Variants in RNF212 observed in about 807,000 individuals in gnomAD.
RNF212 encodes the protein ring finger protein 212, also known as probable E3 SUMO-protein ligase RNF212.
A neutral mutation model predicts 34.7 loss-of-function variants in RNF212; 33 were observed. The ratio of observed to expected loss-of-function variants is 0.95; its 90% CI spans 0.72 to 1.27. The LOEUF (loss-of-function observed/expected upper bound fraction) is 1.27. RNF212 is among the 50% of genes most tolerant of loss of function. The pLI is 0.00. For synonymous variants in RNF212, 140 were observed against 136.1 expected, an observed-to-expected ratio of 1.03 and a Z score of -0.20; for missense variants, 377 against 362.2, an observed-to-expected ratio of 1.04 and a Z score of -0.33.
rs774362214 is a variant in RNF212, at chr4:1,079,733, C to A, written c.465-45G>T. 9 of 1,319,476 alleles carry A rather than the reference C, an allele frequency of 6.8e-6. No individual in the cohort carries two copies. The South Asian group carries it at 7.1e-5, about 10-fold the overall frequency. The allele number at this position is 1,319,476 out of a possible 1,614,324, so 81.7% of individuals were successfully genotyped here. ...AGGCTTTGAGTGAGCCCAGGACTTACCTCTAACAACGTCAGTTGAAATACA... is the reference window on the plus strand; with the variant it reads ...AGGCTTTGAGTGAGCCCAGGACTTAACTCTAACAACGTCAGTTGAAATACA... On this transcript the variant is annotated intron_variant, in intron 7 of 9. Coordinates refer to ENST00000433731, the MANE Select transcript of RNF212 (RefSeq NM_001131034.4).
At chr4:1,071,019 AATT>A (rs1718443893), downstream of RNF212, among the ~76,000 whole-genome samples, 1 of 151,892 alleles carries the variant, frequency 6.6e-6, no homozygotes, top group Non-Finnish European at 1.5e-5. Flanking sequence ...TTTCAAAATA[AATT>A]ATTTTAAAAA....
At chr4:1,081,735 G>C (rs1720386594) in intron 5 of RNF212, 116 bp from the exon 6 acceptor site, 2 of 740,504 alleles carry the variant, frequency 2.7e-6, no homozygotes, top group Admixed American at 2.3e-5. Flanking sequence ...TACTGGGTTT[G>C]CAAACGGCAT....
chr4:1,061,591 T>C (rs1056889124), intron 3 of RNF212, among the ~76,000 whole-genome samples: 3 of 152,098 alleles, frequency 2.0e-5, no homozygotes, highest in East Asian at 1.9e-4. Flanking sequence ...GCACAGATCA[T>C]TGGCCATGGG....
rs1718668629 is a variant in RNF212 at position 1,072,936 on chromosome 4, T to G, written c.832A>C (p.Arg278=). ...QQAEGTLDTF[R]TPAVSVVFPL... is the part of the protein sequence containing the mutation. The stretch of plus-strand genomic sequence containing the variant: ...AACACAACAGACACAGCGGGTGTTC[T>G]GAACGTGTCCAGGGTGCCCTCAGCC... The change falls in exon 10 of 10, where the codon AGA becomes CGA. Residue 278 remains arginine, a synonymous_variant. Coordinates refer to ENST00000433731, the MANE Select transcript of RNF212 (RefSeq NM_001131034.4). 6.2e-7 allele frequency: 1 copy of G among 1,614,036 alleles called. No individual in the cohort carries two copies. The highest frequency in any genetic ancestry group is 8.5e-7 in the Non-Finnish European group (1 of 1,179,892).
intron 3 of RNF212, among the ~76,000 whole-genome samples, chr4:1,059,550 G>C (rs1476709554): frequency 6.6e-6 from 1 of 152,090 alleles, no homozygotes. Flanking sequence ...TGGGCGGCCT[G>C]TTCCACTCAC....
At chr4:1,089,168 C>A (rs1271413939) in intron 4 of RNF212, among the ~76,000 whole-genome samples, 4 of 152,224 alleles carry the variant, frequency 2.6e-5, no homozygotes, top group Admixed American at 6.5e-5. Flanking sequence ...TCAACCCCAG[C>A]CCAGAAAGCA....
chr4:1,091,065 T>C (rs1384825972), intron 3 of RNF212, among the ~76,000 whole-genome samples: 1 of 152,226 alleles, frequency 6.6e-6, no homozygotes, highest in East Asian at 1.9e-4. Context: ...CCCAGCAACC[T>C]GCTCCATTCA....
At position 1,072,995 on chromosome 4, in the gene RNF212, T is replaced by A. The variant is rs1357178025; in HGVS notation, c.773A>T (p.Glu258Val). 1.2e-6 allele frequency: 2 copies of A among 1,614,024 alleles called. No individual in the cohort carries two copies. The highest frequency in any genetic ancestry group is 2.7e-5 in the African/African-American group (2 of 74,904). Reference sequence around the variant, plus strand: ...CGGAAACAAGACGGCCCTTTGTACCTCAGCATATATTGGAAGTGTTTTAGA... The same window carrying A: ...CGGAAACAAGACGGCCCTTTGTACCACAGCATATATTGGAAGTGTTTTAGA... The part of the protein sequence containing the change: ...TNSKTLPIYA[E>V]VQRAVLFPFQ... Residue 258 changes from glutamate (E) to valine (V), a missense_variant, in exon 10 of 10, where the codon GAG becomes GTG. Physicochemically the swap from Glu to Val is moderately radical, Grantham distance 121. Transcript: ENST00000433731.
At chr4:1,099,639 T>G (rs1723620313) in intron 2 of RNF212, 6 of 429,482 alleles carry the variant, frequency 1.4e-5, no homozygotes, top group Admixed American at 2.6e-5. Context: ...GAATGTTTTC[T>G]TTTCGTATTT....
intron 5 of RNF212, 164 bp from the exon 6 acceptor site, chr4:1,081,783 G>A: frequency 1.6e-6 from 1 of 615,530 alleles, no homozygotes; most frequent in East Asian, 2.8e-5. Flanking sequence ...CGTCCTGTGA[G>A]TCGCACGGCC....
At chr4:1,093,516 C>T (rs1423598441) in intron 3 of RNF212, 10 of 1,396,720 alleles carry the variant, frequency 7.2e-6, no homozygotes, top group African/African-American at 2.6e-5. Flanking sequence ...AGTGGGGCCA[C>T]GAGGTCACTG....
At chr4:1,099,379 G>A (rs903893758) in intron 2 of RNF212, among the ~76,000 whole-genome samples, 3 of 152,182 alleles carry the variant, frequency 2.0e-5, no homozygotes, top group Non-Finnish European at 4.4e-5. Flanking sequence ...ACAGAGATTC[G>A]GGAGGCAGCG....
chr4:1,079,815 CAG>C (rs942213430), intron 7 of RNF212, 127 bp from the exon 8 acceptor site: 34 of 730,720 alleles, frequency 4.7e-5, no homozygotes, highest in Admixed American at 2.0e-5. Flanking sequence ...ATGCTGCGGC[CAG>C]AGTTTAGCCA....
chr4:1,105,822 C>G (rs1724727671), intron 2 of RNF212, among the ~76,000 whole-genome samples: 1 of 152,252 alleles, frequency 6.6e-6, no homozygotes, highest in Non-Finnish European at 1.5e-5. Context: ...TCCATAGAGA[C>G]TTAAGGCTGT....
intron 3 of RNF212, chr4:1,094,072 G>C (rs2153054488): frequency 1.5e-6 from 2 of 1,360,024 alleles, no homozygotes; most frequent in East Asian, 4.9e-5. Flanking sequence ...GGACAGTCTT[G>C]GGGACCTGGC....
At chr4:1,059,009 G>C (rs940342230) in intron 3 of RNF212, among the ~76,000 whole-genome samples, 3 of 152,262 alleles carry the variant, frequency 2.0e-5, no homozygotes, top group Non-Finnish European at 4.4e-5. Flanking sequence ...TAACATGAAA[G>C]GGGAGATGTG....
chr4:1,099,751 T>C, intron 2 of RNF212: 1 of 456,244 alleles, frequency 2.2e-6, no homozygotes, highest in Non-Finnish European at 4.4e-6. Flanking sequence ...TCTGACGTCA[T>C]CATGGCAGAG....
intron 2 of RNF212, among the ~76,000 whole-genome samples, chr4:1,108,128 C>A (rs372431632): frequency 6.6e-6 from 1 of 152,306 alleles, no homozygotes; most frequent in African/African-American, 2.4e-5. Context: ...CACGATTCAA[C>A]AACCTAGGAA....
At chr4:1,088,919 G>T (rs688785) in intron 4 of RNF212, among the ~76,000 whole-genome samples, 1 of 152,162 alleles carries the variant, frequency 6.6e-6, no homozygotes, top group Non-Finnish European at 1.5e-5. Flanking sequence ...ACCTAGATTT[G>T]AGAAGATGTA....
Sources: gnomAD v4.1 joint callset for allele counts (sites outside exome capture counted in the v4.1 genomes callset) on GRCh38, gnomAD v4.1.1 for gene constraint, MANE v1.5 for transcripts, NCBI Gene and HGNC (gene_info 2026-07-23, HGNC 2026-07-21) for gene names.